The following STX2 variants were observed in gnomAD, a reference collection of about 807,000 sequenced individuals.
STX2 encodes the protein syntaxin 2.
Under a neutral mutation model 40.6 loss-of-function variants are expected in STX2, and 27 were observed. The observed-to-expected ratio is 0.66, with a 90% CI of 0.49 to 0.92. The LOEUF (loss-of-function observed/expected upper bound fraction) is 0.92, where lower values mean the gene tolerates loss of function less well. Among genes scored for constraint, STX2 ranks in the 40% least tolerant of loss-of-function variants. The probability of loss-of-function intolerance (pLI) is 0.00; values close to 1 mark genes in which losing one functional copy is unlikely to be tolerated. For missense variants in STX2, 328 were observed against 366.1 expected, an observed-to-expected ratio of 0.90 and a Z score of 0.85; for synonymous variants, 123 against 119.1, an observed-to-expected ratio of 1.03 and a Z score of -0.22.
chr12:130,800,049 A>C (rs987591500), intron 8 of STX2, among the ~76,000 whole-genome samples: 1 of 152,178 alleles, frequency 6.6e-6, no homozygotes, highest in Non-Finnish European at 1.5e-5. Flanking sequence ...CAGGCTCAGG[A>C]CAAGTGAGGA....
At chr12:130,798,687 T>C (rs567399008) in intron 8 of STX2, 52 bp from the exon 9 acceptor site, 2 of 1,401,714 alleles carry the variant, frequency 1.4e-6, no homozygotes, top group African/African-American at 1.5e-5. Flanking sequence ...GGCTTAATCA[T>C]GTATCTTTAA....
Position 130,801,150 on chromosome 12 carries a change from T to C in STX2, c.675+3A>G, listed in dbSNP as rs1951210125. 2 of 1,609,636 alleles carry C rather than the reference T, an allele frequency of 1.2e-6. No homozygotes were observed. Among genetic ancestry groups the C allele is most frequent in the Admixed American group, 1.7e-5 (1 of 59,720 alleles). The stretch of plus-strand genomic sequence containing the variant: ...CTTGGAGAATGCAAGAGTCTGTAAC[T>C]ACCTGAGTCTCCACAAACATAGCCA... On this transcript the variant is annotated splice_donor_region_variant and intron_variant, in intron 8 of 10. Coordinates refer to ENST00000392373, the MANE Select transcript of STX2 (RefSeq NM_194356.4).
intron 8 of STX2, 117 bp downstream of exon 8, chr12:130,801,036 A>G: frequency 8.2e-7 from 1 of 1,224,094 alleles, no homozygotes; most frequent in Non-Finnish European, 1.1e-6. Context: ...ATTAACCTGA[A>G]TTTGGTGGAT....
At chr12:130,828,868 A>AC (rs1294181169) in intron 1 of STX2, among the ~76,000 whole-genome samples, 1 of 33,958 alleles carries the variant, frequency 2.9e-5, no homozygotes, top group Non-Finnish European at 1.2e-4. Flanking sequence ...ACTCTGTCTC[A>AC]AAAAAAAAAA....
chr12:130,817,356 A>G (rs1455639290), intron 3 of STX2, among the ~76,000 whole-genome samples: 2 of 152,244 alleles, frequency 1.3e-5, no homozygotes, highest in Non-Finnish European at 2.9e-5. Context: ...CTGAAAGACA[A>G]TCGCTGAAGA....
At position 130,839,166 on chromosome 12, in the gene STX2, G is replaced by A. The variant is rs1952838945; in HGVS notation, c.-67C>T. On this transcript the variant is annotated 5_prime_UTR_variant, in exon 1 of 11. Transcript: ENST00000392373. ...CCGAGCTGCCTCCGGCCGGGCCTCGGGCTCTCCGGTCTCCGCCTCAGGCCC... is the reference window on the plus strand; with the variant it reads ...CCGAGCTGCCTCCGGCCGGGCCTCGAGCTCTCCGGTCTCCGCCTCAGGCCC... 12 of 1,139,790 alleles carry A rather than the reference G, an allele frequency of 1.1e-5. No homozygotes were observed. The South Asian group carries it at 2.9e-4, about 28-fold the overall frequency. The allele number at this position is 1,139,790 out of a possible 1,614,324, so 70.6% of individuals were successfully genotyped here.
chr12:130,819,848 C>G (rs911169463), intron 3 of STX2, among the ~76,000 whole-genome samples: 1 of 152,112 alleles, frequency 6.6e-6, no homozygotes, highest in African/African-American at 2.4e-5. Context: ...AAGAGGTCCC[C>G]GGAAAGATCT....
intron 10 of STX2, among the ~76,000 whole-genome samples, chr12:130,794,616 C>A (rs538682798): frequency 1.3e-5 from 2 of 152,204 alleles, no homozygotes; most frequent in South Asian, 2.1e-4. Flanking sequence ...CCTGCCTCGG[C>A]CTCTGGCGTA....
intron 3 of STX2, among the ~76,000 whole-genome samples, chr12:130,817,947 C>G (rs1184638077): frequency 6.6e-6 from 1 of 151,648 alleles, no homozygotes; most frequent in Non-Finnish European, 1.5e-5. Flanking sequence ...GTGGTCCCAG[C>G]CTGTGGTGGG....
intron 10 of STX2, 25 bp downstream of exon 10, chr12:130,795,970 G>A: frequency 1.3e-6 from 2 of 1,587,858 alleles, no homozygotes; most frequent in African/African-American, 2.7e-5. Context: ...AAGTTAATAA[G>A]TAAATTAGTT....
chr12:130,809,601 G>C (rs1951569788), intron 4 of STX2, among the ~76,000 whole-genome samples: 1 of 152,164 alleles, frequency 6.6e-6, no homozygotes, highest in Non-Finnish European at 1.5e-5. Flanking sequence ...CGGATCACTT[G>C]AGGCCAGGGG....
intron 6 of STX2, 150 bp downstream of exon 6, chr12:130,806,832 C>T: frequency 1.5e-6 from 1 of 688,766 alleles, no homozygotes; most frequent in Non-Finnish European, 2.4e-6. Context: ...TTGCCTGACT[C>T]ACGGCATAGG....
intron 6 of STX2, among the ~76,000 whole-genome samples, chr12:130,801,900 T>C (rs1161371702): frequency 6.6e-6 from 1 of 152,218 alleles, no homozygotes; most frequent in East Asian, 1.9e-4. Context: ...ACACTTTCCA[T>C]GTTTGGAAGT....
At chr12:130,797,865 G>T (rs139196354) in intron 9 of STX2, among the ~76,000 whole-genome samples, 1 of 152,152 alleles carries the variant, frequency 6.6e-6, no homozygotes, top group Non-Finnish European at 1.5e-5. Context: ...GCAGGTCCAC[G>T]GTCTCAAATA....
At chr12:130,828,867 CAAA>C (rs71451381) in intron 1 of STX2, among the ~76,000 whole-genome samples, 3 of 121,588 alleles carry the variant, frequency 2.5e-5, no homozygotes, top group Non-Finnish European at 3.3e-5. Context: ...GACTCTGTCT[CAAA>C]AAAAAAAAAA....
At chr12:130,812,693 A>G (rs4759793) in intron 4 of STX2, 202,575 of 369,298 alleles carry the variant, frequency 0.55, 59,545 homozygotes, top group East Asian at 0.88. Context: ...GGTCCATTCA[A>G]GAAGAGCCTG....
intron 1 of STX2, among the ~76,000 whole-genome samples, chr12:130,829,156 G>A (rs954115354): frequency 1.3e-5 from 2 of 152,172 alleles, no homozygotes; most frequent in Non-Finnish European, 2.9e-5. Context: ...ATGCTCAATG[G>A]TTATGGTCTC....
chr12:130,828,752 C>T (rs1328471904), intron 1 of STX2, among the ~76,000 whole-genome samples: 1 of 151,360 alleles, frequency 6.6e-6, no homozygotes, highest in Admixed American at 6.6e-5. Context: ...CCTGTAGTCC[C>T]AGCTACTCGG....
At chr12:130,800,098 C>A (rs1951168745) in intron 8 of STX2, among the ~76,000 whole-genome samples, 1 of 152,140 alleles carries the variant, frequency 6.6e-6, no homozygotes, top group African/African-American at 2.4e-5. Context: ...AATGCTTCCG[C>A]TTCACCTGGT....
Sources: gnomAD v4.1 joint callset for allele counts (sites outside exome capture counted in the v4.1 genomes callset) on GRCh38, gnomAD v4.1.1 for gene constraint, MANE v1.5 for transcripts, NCBI Gene and HGNC (gene_info 2026-07-23, HGNC 2026-07-21) for gene names.